The following MMP3 variants were observed in gnomAD, a reference collection of about 807,000 sequenced individuals.
The protein encoded by MMP3 is stromelysin-1.
In MMP3, 46 loss-of-function variants were observed where a neutral mutation model predicts 47.3. The ratio of observed to expected loss-of-function variants is 0.97; its 90% CI spans 0.77 to 1.24. The LOEUF (loss-of-function observed/expected upper bound fraction) is 1.24, where lower values mean the gene tolerates loss of function less well. MMP3 is among the 50% of genes most tolerant of loss of function. The pLI is 0.00. For missense variants in MMP3, 558 were observed against 565.5 expected (o/e 0.99, Z 0.13); for synonymous variants, 216 against 206.5 (o/e 1.05, Z -0.39).
rs782557307 is a variant in MMP3, at chr11:102,837,266, C to T, written c.1333+32G>A. ...CTGATATCATAAAATGTTTCAAGTG[C>T]TCTATGGCCAACACAGTAAGTATCC... On this transcript the variant is annotated intron_variant, in intron 9 of 9. Transcript: ENST00000299855. This position sits in a 1 kb window ranked among gnomAD's most constrained non-coding sequence, Gnocchi z 4.4. The T allele has an allele frequency of 1.3e-6, 2 of 1,511,526 alleles. No homozygotes were observed. The highest frequency in any genetic ancestry group is 1.7e-4 in the Middle Eastern group (1 of 5,872). The allele number at this position is 1,511,526 out of a possible 1,614,324, so 93.6% of individuals were successfully genotyped here. A position where few individuals can be genotyped will look rare whatever the true frequency, so the allele number is the denominator to read the frequency against.
rs1858907071 is a variant in MMP3, at chr11:102,837,629, A to G, written c.1230-228T>C. Reference sequence around the variant, plus strand: ...GGCCGCATCCTGCTGTATGTAGCACATGCTGTTTGTCATCATATTTCTTAA... The same window carrying G: ...GGCCGCATCCTGCTGTATGTAGCACGTGCTGTTTGTCATCATATTTCTTAA... On this transcript the variant is annotated intron_variant, in intron 8 of 9. Coordinates refer to ENST00000299855, the MANE Select transcript of MMP3 (RefSeq NM_002422.5). This position sits in a 1 kb window ranked among gnomAD's most constrained non-coding sequence, Gnocchi z 4.4. 6.6e-6 allele frequency among the ~76,000 whole-genome samples: 1 copy of G among 152,188 alleles called. No individual in the cohort carries two copies. The highest frequency in any genetic ancestry group is 2.1e-4 in the South Asian group (1 of 4,832).
Position 102,842,215 on chromosome 11 carries a change from C to T in MMP3, c.564G>A (p.Gly188=), listed in dbSNP as rs183427512. 2.6e-5 allele frequency: 42 copies of T among 1,612,810 alleles called. No individual in the cohort carries two copies. The highest frequency in any genetic ancestry group is 1.2e-4 in the Admixed American group (7 of 59,878). Residue 188 remains glycine (G), a synonymous_variant, in exon 4 of 10, where the codon GGG becomes GGA. Coordinates refer to ENST00000299855, the MANE Select transcript of MMP3 (RefSeq NM_002422.5). ...AGTGGGCATCTCCATTAATCCCTGG[C>T]CCAGGGGCATAGGCATGGGCCAAAA... is the stretch of plus-strand genomic sequence containing the variant. ...GNVLAHAYAP[G]PGINGDAHFD...
Position 102,840,132 on chromosome 11 carries a change from C to A in MMP3, c.911G>T (p.Gly304Val), listed in dbSNP as rs782446614. ...LSFDAVSTLR[G>V]EILIFKDRHF... Reference sequence around the variant, plus strand: ...CCTGTCTTTAAAGATCAGGATTTCTCCCCTCAGAGTGCTGACAGCATCAAA... The same window carrying A: ...CCTGTCTTTAAAGATCAGGATTTCTACCCTCAGAGTGCTGACAGCATCAAA... The change falls in exon 6 of 10, where the codon GGA (glycine) becomes GTA (valine). Residue 304 changes from glycine to valine, a missense_variant. Physicochemically the swap from Gly to Val is moderately radical, Grantham distance 109 (BLOSUM62 -3). Coordinates refer to ENST00000299855, the MANE Select transcript of MMP3 (RefSeq NM_002422.5). The A allele has an allele frequency of 2.6e-5, 42 of 1,613,710 alleles. No homozygotes were observed. The highest frequency in any genetic ancestry group is 3.4e-5 in the Non-Finnish European group (40 of 1,179,920).
In MMP3 at chr11:102,840,593, C is replaced by T. The variant is rs1309603660; in HGVS notation, c.626G>A (p.Gly209Glu). The T allele has an allele frequency of 1.2e-6, 2 of 1,613,048 alleles. No individual in the cohort carries two copies. The highest frequency in any genetic ancestry group is 1.3e-5 in the African/African-American group (1 of 74,816). ...AGCAGCAACGAGAAATAAATTGGTC[C>T]CTATTTAAGAAATTGAGAACAATAG... ...DDEQWTKDTT[G>E]TNLFLVAAHE... Residue 209 changes from glycine (G) to glutamate (E), a missense_variant and splice_region_variant, in exon 5 of 10, where the codon GGG becomes GAG. Coordinates refer to ENST00000299855, the MANE Select transcript of MMP3 (RefSeq NM_002422.5).
Position 102,837,994 on chromosome 11 carries a change from GATC to G in MMP3, c.1229+554_1229+556del, listed in dbSNP as rs1480860485. ...TGTATCCATAAACTGGACTGCTATTGATCATCATCTCTTAAATGAGCCATCATT... is the reference window on the plus strand; with the variant it reads ...TGTATCCATAAACTGGACTGCTATTGATCATCTCTTAAATGAGCCATCATT... On this transcript the variant is annotated intron_variant, in intron 8 of 9. Coordinates refer to ENST00000299855, the MANE Select transcript of MMP3 (RefSeq NM_002422.5). The surrounding 1 kb of genome is among the most constrained non-coding windows in gnomAD (Gnocchi z 4.4). Among the ~76,000 whole-genome samples, 1 of 152,124 alleles carries G rather than the reference GATC, an allele frequency of 6.6e-6. No individual in the cohort carries two copies. The highest frequency in any genetic ancestry group is 1.5e-5 in the Non-Finnish European group (1 of 68,034).
chr11:102,842,931 A>G lies in MMP3; in HGVS notation c.106-15T>C. The G allele has an allele frequency of 6.3e-7, 1 of 1,576,540 alleles. No individual in the cohort carries two copies. Among genetic ancestry groups the G allele is most frequent in the Middle Eastern group, 1.7e-4 (1 of 5,880 alleles). On this transcript the variant is annotated splice_polypyrimidine_tract_variant and intron_variant, in intron 1 of 9. Coordinates refer to ENST00000299855, the MANE Select transcript of MMP3 (RefSeq NM_002422.5). ...TCTAGATATTTCTAACAGAATAAGT[A>G]TAGTTTTTAGGTCACTCTTACAATT...
chr11:102,840,221 CA>C lies in MMP3; in HGVS notation c.821del (p.Leu274ArgfsTer29), dbSNP rs1858969892. 6.2e-7 allele frequency: 1 copy of C among 1,613,918 alleles called. No homozygotes were observed. The highest frequency in any genetic ancestry group is 8.5e-7 in the Non-Finnish European group (1 of 1,179,950). On this transcript the variant is annotated frameshift_variant, in exon 6 of 10. Coordinates refer to ENST00000299855, the MANE Select transcript of MMP3 (RefSeq NM_002422.5). LOFTEE classifies it high-confidence loss of function. Reference sequence around the variant, plus strand: ...CTGGAGGGACAGGTTCCGTGGGTACCAGGGGGGTCTCAGGGGAGTCAGGGGG... The same window carrying C: ...CTGGAGGGACAGGTTCCGTGGGTACCGGGGGGTCTCAGGGGAGTCAGGGGG... ...GPPPDSPETP[L>X]VPTEPVPPEP...
In MMP3 at chr11:102,843,444, G is replaced by A. The variant is rs1555005930; in HGVS notation, c.103C>T (p.Gln35Ter). Residue 35 changes from glutamine to a stop codon, truncating the protein, a stop_gained and splice_region_variant, in exon 1 of 10, where the codon CAG becomes TAG. Transcript: ENST00000299855. LOFTEE classifies it high-confidence loss of function. ...RGEDTSMNLV[Q>*]KYLENYYDLK... is the part of the protein sequence containing the mutation. Reference sequence around the variant, plus strand: ...CCAGGTCAGTTAGTGTTAATTACCTGAACAAGGTTCATGCTGGTGTCCTCA... The same window carrying A: ...CCAGGTCAGTTAGTGTTAATTACCTAAACAAGGTTCATGCTGGTGTCCTCA... 4 of 1,612,460 alleles carry A rather than the reference G, an allele frequency of 2.5e-6. No individual in the cohort carries two copies. Among genetic ancestry groups the A allele is most frequent in the Non-Finnish European group, 3.4e-6 (4 of 1,179,008 alleles).
At chr11:102,839,357 G>T in intron 6 of MMP3, 114 bp from the exon 7 acceptor site, 1 of 1,225,424 alleles carries the variant, frequency 8.2e-7, no homozygotes, top group Admixed American at 2.3e-5. Flanking sequence ...TTCTAGGCTG[G>T]ATGACAGATA....
intron 8 of MMP3, 39 bp downstream of exon 8, chr11:102,838,512 A>G (rs542447735): frequency 6.3e-7 from 1 of 1,588,284 alleles, no homozygotes; most frequent in African/African-American, 1.4e-5. Context: ...TAATTTCCCT[A>G]ATTAGGCTCC....
At position 102,836,766 on chromosome 11, in the gene MMP3, C is replaced by T. The variant is rs1555004628; in HGVS notation, c.1333+532G>A. 1 of 241,966 alleles carries T rather than the reference C, an allele frequency of 4.1e-6. No homozygotes were observed. Among genetic ancestry groups the T allele is most frequent in the East Asian group, 1.2e-4 (1 of 8,670 alleles). 15.0% of individuals were successfully genotyped at this position (241,966 alleles called of 1,614,324 possible). A position where few individuals can be genotyped will look rare whatever the true frequency, so the allele number is the denominator to read the frequency against. On this transcript the variant is annotated intron_variant, in intron 9 of 9. Transcript: ENST00000299855. This position sits in a 1 kb window ranked among gnomAD's most constrained non-coding sequence, Gnocchi z 4.6. ...CAATAAAGATCATCAGCCTCCACTT[C>T]CTTACCTTGAGTAGAAAACAAAATC...
rs982039636 is a variant in MMP3 at position 102,836,922 on chromosome 11, G to A, written c.1333+376C>T. On this transcript the variant is annotated intron_variant, in intron 9 of 9. Transcript: ENST00000299855. This position sits in a 1 kb window ranked among gnomAD's most constrained non-coding sequence, Gnocchi z 4.6. Reference sequence around the variant, plus strand: ...GGAATTAGTAGCAGCAATAAGATAGGGTGGAGGAGAAGGCCAGCTAACCAA... The same window carrying A: ...GGAATTAGTAGCAGCAATAAGATAGAGTGGAGGAGAAGGCCAGCTAACCAA... Among the ~76,000 whole-genome samples the A allele has an allele frequency of 6.6e-6, 1 of 152,040 alleles. No individual in the cohort carries two copies. Among genetic ancestry groups the A allele is most frequent in the Non-Finnish European group, 1.5e-5 (1 of 68,014 alleles).
In MMP3 at chr11:102,836,071, G is replaced by A; in HGVS notation, c.*55C>T. The A allele has an allele frequency of 7.7e-7, 1 of 1,298,676 alleles. No homozygotes were observed. The highest frequency in any genetic ancestry group is 1.1e-6 in the Non-Finnish European group (1 of 899,596). 80.4% of individuals were successfully genotyped at this position (1,298,676 alleles called of 1,614,324 possible). On this transcript the variant is annotated 3_prime_UTR_variant, in exon 10 of 10. Transcript: ENST00000299855. This position sits in a 1 kb window ranked among gnomAD's most constrained non-coding sequence, Gnocchi z 4.6. Reference sequence around the variant, plus strand: ...CATTTCAATTCACAGAGACTTAGGTGAAGAATTATTAGCTTCATTTAAAGT... The same window carrying A: ...CATTTCAATTCACAGAGACTTAGGTAAAGAATTATTAGCTTCATTTAAAGT...
rs957305625 is a variant in MMP3 at position 102,836,372 on chromosome 11, C to G, written c.1334-146G>C. Reference sequence around the variant, plus strand: ...GTCAGGGACTATGCCAAGCTTGTTACATGAATTTATTTTCATTTATTTCTG... The same window carrying G: ...GTCAGGGACTATGCCAAGCTTGTTAGATGAATTTATTTTCATTTATTTCTG... On this transcript the variant is annotated intron_variant, in intron 9 of 9. Transcript: ENST00000299855. The surrounding 1 kb of genome is among the most constrained non-coding windows in gnomAD (Gnocchi z 4.6). 4 of 698,142 alleles carry G rather than the reference C, an allele frequency of 5.7e-6. No individual in the cohort carries two copies. The African/African-American group carries it at 7.1e-5, about 12-fold the overall frequency. The allele number at this position is 698,142 out of a possible 1,614,324, so 43.2% of individuals were successfully genotyped here. A position where few individuals can be genotyped will look rare whatever the true frequency, so the allele number is the denominator to read the frequency against.
Position 102,840,273 on chromosome 11 carries a change from A to T in MMP3, c.791-21T>A. ...AGGTCCTAAAGGGAACATTAGGGGA[A>T]ATGTGATACGTTTCAATATATGCCC... On this transcript the variant is annotated intron_variant, in intron 5 of 9. Coordinates refer to ENST00000299855, the MANE Select transcript of MMP3 (RefSeq NM_002422.5). The T allele has an allele frequency of 1.9e-6, 3 of 1,609,996 alleles. No individual in the cohort carries two copies. The Admixed American group carries it at 5.1e-5, about 27-fold the overall frequency.
chr11:102,838,848 G>A (rs1299532529), intron 7 of MMP3, 138 bp from the exon 8 acceptor site: 2 of 1,097,364 alleles, frequency 1.8e-6, no homozygotes, highest in Non-Finnish European at 2.5e-6. Flanking sequence ...AGCTTACAGT[G>A]GGCTTTTCAC....
Position 102,840,154 on chromosome 11 carries a change from C to G in MMP3, c.889G>C (p.Asp297His). Residue 297 changes from aspartate (D) to histidine (H), a missense_variant, in exon 6 of 10, where the codon GAT (aspartate) becomes CAT (histidine). By Grantham distance (81) the Asp-to-His change is moderately conservative (BLOSUM62 -1). Coordinates refer to ENST00000299855, the MANE Select transcript of MMP3 (RefSeq NM_002422.5). ...TCTCCCCTCAGAGTGCTGACAGCAT[C>G]AAAGGACAAAGCAGGATCACAGTTG... is the stretch of plus-strand genomic sequence containing the variant. ...PANCDPALSF[D>H]AVSTLRGEIL... The G allele has an allele frequency of 6.2e-7, 1 of 1,614,012 alleles. No individual in the cohort carries two copies. Among genetic ancestry groups the G allele is most frequent in the Non-Finnish European group, 8.5e-7 (1 of 1,179,990 alleles).
At position 102,839,429 on chromosome 11, in the gene MMP3, T is replaced by C. The variant is rs3025069; in HGVS notation, c.936-186A>G. ...TTTTTCTTCAGAAGACTGTAGTGAG[T>C]CTCCCGTCATAGGTTTCCAGAGTAA... On this transcript the variant is annotated intron_variant, in intron 6 of 9. Coordinates refer to ENST00000299855, the MANE Select transcript of MMP3 (RefSeq NM_002422.5). Among the ~76,000 whole-genome samples, 884 of 152,224 alleles carry C rather than the reference T, an allele frequency of 5.8e-3. 9 individuals carry two copies. Among genetic ancestry groups the C allele is most frequent in the African/African-American group, 0.02 (845 of 41,534 alleles).
In MMP3 at chr11:102,836,843, A is replaced by G. The variant is rs1555004641; in HGVS notation, c.1333+455T>C. 4.4e-6 allele frequency: 1 copy of G among 227,468 alleles called. No individual in the cohort carries two copies. The highest frequency in any genetic ancestry group is 8.8e-6 in the Non-Finnish European group (1 of 113,640). The allele number at this position is 227,468 out of a possible 1,614,324, so 14.1% of individuals were successfully genotyped here. A position where few individuals can be genotyped will look rare whatever the true frequency, so the allele number is the denominator to read the frequency against. On this transcript the variant is annotated intron_variant, in intron 9 of 9. Transcript: ENST00000299855. This position sits in a 1 kb window ranked among gnomAD's most constrained non-coding sequence, Gnocchi z 4.6. ...ATGGAAAGGTAAGTATTTGCAAATGACTGGCATGGGCAATGACTGACAACT... is the reference window on the plus strand; with the variant it reads ...ATGGAAAGGTAAGTATTTGCAAATGGCTGGCATGGGCAATGACTGACAACT...
Sources: allele counts gnomAD v4.1 joint callset (sites outside exome capture counted in the v4.1 genomes callset), GRCh38; gene constraint gnomAD v4.1.1; non-coding constraint Gnocchi (gnomAD v3.1); transcripts MANE v1.5; gene names NCBI Gene and HGNC (gene_info 2026-07-23, HGNC 2026-07-21).